Variants in DUS4L observed in about 807,000 individuals in gnomAD.
DUS4L encodes dihydrouridine synthase 4 like, also known as tRNA-dihydrouridine(20a/20b) synthase [NAD(P)+]-like.
Under a neutral mutation model 33.8 loss-of-function variants are expected in DUS4L, and 31 were observed. The observed-to-expected ratio is 0.92, with a 90% CI of 0.69 to 1.24. The LOEUF is 1.24. Ranked by LOEUF, DUS4L falls within the 50% of genes most tolerant of loss-of-function variation. The pLI is 0.00. For missense variants in DUS4L, 368 were observed against 388.6 expected (o/e 0.95, Z 0.45); for synonymous variants, 103 against 120.3 (o/e 0.86, Z 0.94).
intron 3 of DUS4L, among the ~76,000 whole-genome samples, chr7:107,568,688 A>G (rs901926742): frequency 1.3e-5 from 2 of 152,156 alleles, no homozygotes; most frequent in South Asian, 2.1e-4. Context: ...TCTAACATCA[A>G]TTTTTCCTTT....
chr7:107,573,601 A>G, intron 4 of DUS4L, 103 bp from the exon 5 acceptor site: 1 of 1,134,290 alleles, frequency 8.8e-7, no homozygotes, highest in Non-Finnish European at 1.2e-6. Flanking sequence ...TAGGCTAAAA[A>G]ATCGTTATTG....
At chr7:107,576,327 G>A in intron 6 of DUS4L, 39 bp from the exon 7 acceptor site, 2 of 1,565,044 alleles carry the variant, frequency 1.3e-6, no homozygotes, top group Non-Finnish European at 1.7e-6. Flanking sequence ...ATTAAGATTT[G>A]TGTGCTGTGA....
At chr7:107,575,371 T>C (rs996084777) in intron 6 of DUS4L, 61 bp downstream of exon 6, 1 of 1,571,770 alleles carries the variant, frequency 6.4e-7, no homozygotes, top group Non-Finnish European at 8.6e-7. Context: ...TGAAAGATTA[T>C]TGCTTTTGTC....
At chr7:107,575,863 T>C (rs2129197661) in intron 6 of DUS4L, 1 of 160,956 alleles carries the variant, frequency 6.2e-6, no homozygotes, top group South Asian at 1.8e-4. Context: ...CGCTAATTTT[T>C]GTATTTTTTA....
chr7:107,571,187 G>C lies in DUS4L; in HGVS notation c.159G>C (p.Leu53=). Residue 53 remains leucine (L), a synonymous_variant, in exon 4 of 8, where the codon CTG becomes CTC. Coordinates refer to ENST00000265720, the MANE Select transcript of DUS4L (RefSeq NM_181581.3). ...TAGTAAGAAAATATAGTTGTGATCT[G>C]TGTTACACACCAATGATTGTTGCCG... is the stretch of plus-strand genomic sequence containing the variant. ...RTLVRKYSCD[L]CYTPMIVAAD... is the part of the protein sequence containing the mutation. 6.2e-7 allele frequency: 1 copy of C among 1,612,820 alleles called. No homozygotes were observed. Among genetic ancestry groups the C allele is most frequent in the Non-Finnish European group, 8.5e-7 (1 of 1,179,720 alleles).
In DUS4L at chr7:107,578,152, G is replaced by C. The variant is rs1326742128; in HGVS notation, c.*592G>C. 6.6e-6 allele frequency: 1 copy of C among 152,156 alleles called. No individual in the cohort carries two copies. The highest frequency in any genetic ancestry group is 1.5e-5 in the Non-Finnish European group (1 of 68,032). The allele number at this position is 152,156 out of a possible 1,614,324, so 9.4% of individuals were successfully genotyped here. A position where few individuals can be genotyped will look rare whatever the true frequency, so the allele number is the denominator to read the frequency against. On this transcript the variant is annotated 3_prime_UTR_variant, in exon 8 of 8. Coordinates refer to ENST00000265720, the MANE Select transcript of DUS4L (RefSeq NM_181581.3). ...AGCTTAATAATCTCCTACCTAAAAA[G>C]ATAAAATTAATTGCAATCTACCATA...
intron 2 of DUS4L, among the ~76,000 whole-genome samples, 154 bp downstream of exon 2, chr7:107,564,830 A>G (rs1003950537): frequency 4.6e-5 from 7 of 152,218 alleles, no homozygotes; most frequent in South Asian, 2.1e-4. Context: ...CTGGAAGATG[A>G]CTTTTTCATT....
At chr7:107,565,532 T>C (rs891733748) in intron 2 of DUS4L, among the ~76,000 whole-genome samples, 4 of 152,090 alleles carry the variant, frequency 2.6e-5, no homozygotes, top group Non-Finnish European at 5.9e-5. Flanking sequence ...ACTGATTGTT[T>C]TGTTTTGTTG....
Position 107,576,563 on chromosome 7 carries a change from A to C in DUS4L, c.677A>C (p.Glu226Ala). 1.9e-6 allele frequency: 3 copies of C among 1,591,824 alleles called. No individual in the cohort carries two copies. Among genetic ancestry groups the C allele is most frequent in the Non-Finnish European group, 2.6e-6 (3 of 1,171,814 alleles). The change falls in exon 7 of 8, where the codon GAA becomes GCA. Residue 226 changes from glutamate to alanine, a missense_variant. Glu to Ala is a moderately radical substitution (Grantham distance 107). Coordinates refer to ENST00000265720, the MANE Select transcript of DUS4L (RefSeq NM_181581.3). Reference protein sequence around the residue: ...NGDIRSLKEAENVWRITGTDG... With the variant: ...NGDIRSLKEAANVWRITGTDG... ...GACATCAGAAGCTTAAAGGAAGCAG[A>C]AAATGTGTGGCGGATTACTGGGACA... is the stretch of plus-strand genomic sequence containing the variant.
chr7:107,577,313 G>A lies in DUS4L; in HGVS notation c.707G>A (p.Gly236Asp), dbSNP rs1445593411. The A allele has an allele frequency of 1.2e-6, 2 of 1,614,040 alleles. No individual in the cohort carries two copies. Among genetic ancestry groups the A allele is most frequent in the Admixed American group, 1.7e-5 (1 of 60,018 alleles). ...AAATATGGTGTGCTTTAATTTGTAGGTGTGATGGTTGCAAGAGGACTCTTA... is the reference window on the plus strand; with the variant it reads ...AAATATGGTGTGCTTTAATTTGTAGATGTGATGGTTGCAAGAGGACTCTTA... Reference protein sequence around the residue: ...ENVWRITGTDGVMVARGLLAN... With the variant: ...ENVWRITGTDDVMVARGLLAN... Residue 236 changes from glycine (G) to aspartate (D), a missense_variant and splice_region_variant, in exon 8 of 8, where the codon GGT (glycine) becomes GAT (aspartate). Transcript: ENST00000265720.
chr7:107,569,938 C>CGT (rs1563111510), intron 3 of DUS4L: 2 of 152,010 alleles, frequency 1.3e-5, no homozygotes, highest in Non-Finnish European at 2.9e-5. Flanking sequence ...GTTTCAGCGC[C>CGT]GTGTTGAATA....
At chr7:107,575,451 T>C (rs1805640836) in intron 6 of DUS4L, 141 bp downstream of exon 6, 5 of 914,868 alleles carry the variant, frequency 5.5e-6, no homozygotes, top group South Asian at 2.0e-5. Flanking sequence ...AAATAAGACA[T>C]TTAGTAAAAG....
chr7:107,577,276 T>C, intron 7 of DUS4L, 37 bp from the exon 8 acceptor site: 5 of 1,606,292 alleles, frequency 3.1e-6, no homozygotes, highest in Non-Finnish European at 4.3e-6. Context: ...CAGGGGTTCT[T>C]AATGTATGGA....
At position 107,576,393 on chromosome 7, in the gene DUS4L, A is replaced by G; in HGVS notation, c.507A>G (p.Val169=). 2 of 1,609,236 alleles carry G rather than the reference A, an allele frequency of 1.2e-6. No individual in the cohort carries two copies. Among genetic ancestry groups the G allele is most frequent in the Non-Finnish European group, 1.7e-6 (2 of 1,178,926 alleles). ...IRIHDDLKRT[V]DLCQKAEATG... ...TCCATGATGACCTTAAAAGAACTGTAGATCTTTGTCAAAAGGCTGAAGCAA... is the reference window on the plus strand; with the variant it reads ...TCCATGATGACCTTAAAAGAACTGTGGATCTTTGTCAAAAGGCTGAAGCAA... Residue 169 remains valine (V), a synonymous_variant, in exon 7 of 8, where the codon GTA becomes GTG. Transcript: ENST00000265720.
chr7:107,576,639 G>T, intron 7 of DUS4L, 47 bp downstream of exon 7: 1 of 1,477,402 alleles, frequency 6.8e-7, no homozygotes, highest in South Asian at 1.3e-5. Context: ...GGGAAGAAAT[G>T]AGAGTGGGGA....
chr7:107,567,323 C>A, intron 3 of DUS4L, 137 bp downstream of exon 3: 1 of 674,340 alleles, frequency 1.5e-6, no homozygotes, highest in South Asian at 1.9e-5. Flanking sequence ...AGAATTGAGT[C>A]ATGATGCTAC....
At chr7:107,570,438 C>T (rs761899961) in intron 3 of DUS4L, 1 of 152,430 alleles carries the variant, frequency 6.6e-6, no homozygotes, top group Non-Finnish European at 1.5e-5. Context: ...CACTATGCCT[C>T]CTCTGACACC....
rs1276022086 is a variant in DUS4L at position 107,567,079 on chromosome 7, T to G, written c.9T>G (p.Ser3Arg). 3 of 1,612,728 alleles carry G rather than the reference T, an allele frequency of 1.9e-6. No individual in the cohort carries two copies. Among genetic ancestry groups the G allele is most frequent in the Non-Finnish European group, 2.5e-6 (3 of 1,179,292 alleles). MKSDCMQTTICQE... is the reference protein window; with the variant it reads MKRDCMQTTICQE... ...GAAACATATCTGTATTAATGAAGAG[T>G]GACTGCATGCAAACGACAATATGTC... Residue 3 changes from serine (S) to arginine (R), a missense_variant, in exon 3 of 8, where the codon AGT becomes AGG. Transcript: ENST00000265720.
In DUS4L at chr7:107,569,238, C is replaced by T. The variant is rs893266685; in HGVS notation, c.117-1907C>T. ...AATAAAAAAAGAAAGGCTATCTCTCCGCTAATTCTTTGCTTCTTTGTGAGA... is the reference window on the plus strand; with the variant it reads ...AATAAAAAAAGAAAGGCTATCTCTCTGCTAATTCTTTGCTTCTTTGTGAGA... On this transcript the variant is annotated intron_variant, in intron 3 of 7. Transcript: ENST00000265720. 3.3e-5 allele frequency among the ~76,000 whole-genome samples: 5 copies of T among 152,114 alleles called. No homozygotes were observed. The South Asian group carries it at 6.2e-4, about 19-fold the overall frequency.
Sources: gnomAD v4.1 joint callset for allele counts (sites outside exome capture counted in the v4.1 genomes callset) on GRCh38, gnomAD v4.1.1 for gene constraint, MANE v1.5 for transcripts, NCBI Gene and HGNC (gene_info 2026-07-23, HGNC 2026-07-21) for gene names.